Variants in F3 observed in about 807,000 individuals in gnomAD.
F3 encodes the protein coagulation factor III, tissue factor.
A neutral mutation model predicts 33.5 loss-of-function variants in F3; 18 were observed. The ratio of observed to expected loss-of-function variants is 0.54; its 90% CI spans 0.37 to 0.80. F3 has a LOEUF of 0.80. Ranked by LOEUF, F3 falls within the 30% of genes least tolerant of loss-of-function variation. The probability of loss-of-function intolerance (pLI) is 0.00; values close to 1 mark genes in which losing one functional copy is unlikely to be tolerated. For missense variants in F3, 353 were observed against 362.1 expected (o/e 0.97, Z 0.20); for synonymous variants, 147 against 140.7 (o/e 1.05, Z -0.32).
chr1:94,539,482 G>C (rs1252092030), intron 2 of F3, among the ~76,000 whole-genome samples: 2 of 152,164 alleles, frequency 1.3e-5, no homozygotes, highest in African/African-American at 4.8e-5. Context: ...TATGTAATTA[G>C]CATTAAAATA....
At position 94,536,021 on chromosome 1, in the gene F3, C is replaced by T. The variant is rs754108178; in HGVS notation, c.356G>A (p.Gly119Asp). The change falls in exon 3 of 6, where the codon GGT becomes GAT. Residue 119 changes from glycine (G) to aspartate (D), a missense_variant. Physicochemically the swap from Gly to Asp is moderately conservative, Grantham distance 94. Coordinates refer to ENST00000334047, the MANE Select transcript of F3 (RefSeq NM_001993.5). Reference protein sequence around the residue: ...SYPAGNVESTGSAGEPLYENS... With the variant: ...SYPAGNVESTDSAGEPLYENS... ...CTCATACAGAGGCTCCCCAGCAGAACCGGTGCTCTCCACATTCCCTGCCGG... is the reference window on the plus strand; with the variant it reads ...CTCATACAGAGGCTCCCCAGCAGAATCGGTGCTCTCCACATTCCCTGCCGG... 3.7e-6 allele frequency: 6 copies of T among 1,614,158 alleles called. No individual in the cohort carries two copies. The Admixed American group carries it at 1.0e-4, about 27-fold the overall frequency.
At chr1:94,539,774 A>G (rs1009434591) in intron 2 of F3, among the ~76,000 whole-genome samples, 10 of 152,282 alleles carry the variant, frequency 6.6e-5, no homozygotes, top group African/African-American at 2.4e-4. Context: ...AAGATCATGT[A>G]TTCTACCAGA....
intron 1 of F3, chr1:94,541,165 C>T (rs1651762701): frequency 9.0e-6 from 2 of 222,510 alleles, no homozygotes; most frequent in African/African-American, 2.3e-5. Context: ...CACGCCAACA[C>T]GTGCAGACGC....
chr1:94,536,002 C>G lies in F3; in HGVS notation c.375G>C (p.Leu125=), dbSNP rs1227274152. 2.5e-6 allele frequency: 4 copies of G among 1,614,064 alleles called. No individual in the cohort carries two copies. The African/African-American group carries it at 4.0e-5, about 16-fold the overall frequency. The change falls in exon 3 of 6, where the codon CTG becomes CTC. Residue 125 remains leucine (L), a synonymous_variant. Coordinates refer to ENST00000334047, the MANE Select transcript of F3 (RefSeq NM_001993.5). ...GTGTGAACTCTGGGGAGTTCTCATACAGAGGCTCCCCAGCAGAACCGGTGC... is the reference window on the plus strand; with the variant it reads ...GTGTGAACTCTGGGGAGTTCTCATAGAGAGGCTCCCCAGCAGAACCGGTGC... ...VESTGSAGEP[L]YENSPEFTPY...
At chr1:94,537,181 G>A (rs1423085519) in intron 2 of F3, among the ~76,000 whole-genome samples, 3 of 152,190 alleles carry the variant, frequency 2.0e-5, no homozygotes, top group East Asian at 1.9e-4. Context: ...TTTGTGAGAC[G>A]TCACTGAAGG....
intron 5 of F3, among the ~76,000 whole-genome samples, chr1:94,531,932 C>T (rs1034363): frequency 0.41 from 62,687 of 151,980 alleles, 13,496 homozygotes; most frequent in Middle Eastern, 0.6. Flanking sequence ...CTGTGTCCTG[C>T]TGCAGCTGGT....
At chr1:94,539,613 T>C (rs1299301834) in intron 2 of F3, among the ~76,000 whole-genome samples, 2 of 152,178 alleles carry the variant, frequency 1.3e-5, no homozygotes, top group Non-Finnish European at 2.9e-5. Flanking sequence ...AACCTTTAGA[T>C]TGAACATGCT....
chr1:94,532,974 C>T (rs1330998291), intron 4 of F3, 116 bp downstream of exon 4: 2 of 1,066,982 alleles, frequency 1.9e-6, no homozygotes, highest in Non-Finnish European at 2.7e-6. Context: ...CCTTCTACTC[C>T]ATCACCTTCT....
At chr1:94,531,617 A>C (rs1002628499) in intron 5 of F3, among the ~76,000 whole-genome samples, 3 of 152,098 alleles carry the variant, frequency 2.0e-5, no homozygotes, top group African/African-American at 7.2e-5. Flanking sequence ...CATCGTTTAT[A>C]TCCCCTGACT....
At chr1:94,538,309 T>C (rs566553266) in intron 2 of F3, among the ~76,000 whole-genome samples, 1 of 152,364 alleles carries the variant, frequency 6.6e-6, no homozygotes, top group African/African-American at 2.4e-5. Flanking sequence ...GTGCTAAGGC[T>C]TAAGCCAATA....
intron 3 of F3, among the ~76,000 whole-genome samples, chr1:94,535,197 A>G (rs1293439301): frequency 6.6e-6 from 1 of 152,144 alleles, no homozygotes; most frequent in Non-Finnish European, 1.5e-5. Flanking sequence ...CATTCTAACC[A>G]GCTGGCCTTA....
At chr1:94,534,996 C>T (rs1651555807) in intron 3 of F3, among the ~76,000 whole-genome samples, 2 of 151,960 alleles carry the variant, frequency 1.3e-5, no homozygotes, top group Non-Finnish European at 2.9e-5. Flanking sequence ...ACCTGGGGGT[C>T]TGGAGGGTCT....
intron 3 of F3, among the ~76,000 whole-genome samples, chr1:94,533,920 G>A (rs1331048725): frequency 6.6e-6 from 1 of 151,064 alleles, no homozygotes; most frequent in Non-Finnish European, 1.5e-5. Flanking sequence ...AGGCCGGAGT[G>A]CAGTGGCGCA....
intron 5 of F3, among the ~76,000 whole-genome samples, chr1:94,531,490 T>C (rs1356224964): frequency 2.0e-5 from 3 of 152,040 alleles, no homozygotes; most frequent in Admixed American, 2.0e-4. Context: ...TGAGTAGAGA[T>C]GGGCTTTTAC....
chr1:94,537,931 T>C (rs2101093228), intron 2 of F3, among the ~76,000 whole-genome samples: 1 of 152,336 alleles, frequency 6.6e-6, no homozygotes, highest in African/African-American at 2.4e-5. Context: ...GGAGAAAGTC[T>C]CCTAGGGCTT....
chr1:94,536,786 A>G (rs1651621825), intron 2 of F3, among the ~76,000 whole-genome samples: 1 of 152,218 alleles, frequency 6.6e-6, no homozygotes. Context: ...AATAGAGTCT[A>G]TATAGTGAGT....
At chr1:94,540,461 T>C (rs1651738736) in intron 1 of F3, 93 bp from the exon 2 acceptor site, 1 of 692,364 alleles carries the variant, frequency 1.4e-6, no homozygotes, top group Non-Finnish European at 2.4e-6. Context: ...GACATCACCA[T>C]AAACCTCACT....
chr1:94,533,575 G>T (rs562447893), intron 3 of F3, among the ~76,000 whole-genome samples: 1 of 152,290 alleles, frequency 6.6e-6, no homozygotes, highest in South Asian at 2.1e-4. Context: ...ACCAAAGACA[G>T]TTGACCCCTG....
chr1:94,535,587 G>A (rs55807642), intron 3 of F3, among the ~76,000 whole-genome samples: 7 of 152,116 alleles, frequency 4.6e-5, no homozygotes, highest in South Asian at 2.1e-4. Context: ...GTGTGATAAC[G>A]GGACAGAAAA....
Sources: gnomAD v4.1 joint callset for allele counts (sites outside exome capture counted in the v4.1 genomes callset) on GRCh38, gnomAD v4.1.1 for gene constraint, MANE v1.5 for transcripts, NCBI Gene and HGNC (gene_info 2026-07-23, HGNC 2026-07-21) for gene names.